Variants in PRPSAP1 observed in about 807,000 individuals in gnomAD.
The protein encoded by PRPSAP1 is phosphoribosyl pyrophosphate synthetase associated protein 1, also known as phosphoribosyl pyrophosphate synthase-associated protein 1.
In PRPSAP1, 31 loss-of-function variants were observed where a neutral mutation model predicts 39.4. That is an observed-to-expected ratio of 0.79 (90% CI 0.59 to 1.06). The LOEUF is 1.06. PRPSAP1 is among the 50% of genes least tolerant of loss of function. PRPSAP1 has a pLI of 0.00. For missense variants in PRPSAP1, 430 were observed against 511.6 expected (o/e 0.84, Z 1.54); for synonymous variants, 212 against 192.6 (o/e 1.10, Z -0.83).
At chr17:76,347,284 C>T (rs1019005240) in intron 2 of PRPSAP1, among the ~76,000 whole-genome samples, 3 of 151,590 alleles carry the variant, frequency 2.0e-5, no homozygotes, top group Admixed American at 6.6e-5. Flanking sequence ...GTCAGGAGTT[C>T]AAGACCAGCC....
chr17:76,340,850 C>G lies in PRPSAP1; in HGVS notation c.290+3821G>C, dbSNP rs938141610. On this transcript the variant is annotated intron_variant, in intron 3 of 9. Transcript: ENST00000446526. Reference sequence around the variant, plus strand: ...GGTTGTGGTGGGGTTTGCAGTGAACCGAGATCGCGCCATTGCACTCCAGCC... The same window carrying G: ...GGTTGTGGTGGGGTTTGCAGTGAACGGAGATCGCGCCATTGCACTCCAGCC... 2.7e-5 allele frequency among the ~76,000 whole-genome samples: 4 copies of G among 148,626 alleles called. No individual in the cohort carries two copies. The Admixed American group carries it at 2.7e-4, about 10-fold the overall frequency.
chr17:76,338,513 G>A (rs1031955746), intron 3 of PRPSAP1, among the ~76,000 whole-genome samples: 3 of 152,016 alleles, frequency 2.0e-5, no homozygotes, highest in Non-Finnish European at 2.9e-5. Context: ...GACCAGCCTA[G>A]GCAACATGGA....
At chr17:76,325,847 C>A (rs1026273069) in intron 7 of PRPSAP1, among the ~76,000 whole-genome samples, 1 of 152,044 alleles carries the variant, frequency 6.6e-6, no homozygotes, top group Non-Finnish European at 1.5e-5. Flanking sequence ...ACCTCGTGAT[C>A]TGCCCGCCTC....
At position 76,310,599 on chromosome 17, in the gene PRPSAP1, TG is replaced by T. The variant is rs995389126; in HGVS notation, c.*942del. On this transcript the variant is annotated 3_prime_UTR_variant, in exon 10 of 10. Coordinates refer to ENST00000446526, the MANE Select transcript of PRPSAP1 (RefSeq NM_002766.3). ...TCCCACCTCAGCCTCCCAAGGTAGCTGGAACTACAGGCACATGCTACCAATG... is the reference window on the plus strand; with the variant it reads ...TCCCACCTCAGCCTCCCAAGGTAGCTGAACTACAGGCACATGCTACCAATG... 6 of 151,866 alleles carry T rather than the reference TG, an allele frequency of 4.0e-5. No homozygotes were observed. Among genetic ancestry groups the T allele is most frequent in the African/African-American group, 9.7e-5 (4 of 41,316 alleles). 9.4% of individuals were successfully genotyped at this position (151,866 alleles called of 1,614,324 possible).
intron 2 of PRPSAP1, among the ~76,000 whole-genome samples, chr17:76,346,465 TA>T (rs1465330030): frequency 6.6e-6 from 1 of 152,184 alleles, no homozygotes; most frequent in Non-Finnish European, 1.5e-5. Context: ...AGCATGGACT[TA>T]AATCCCTTAA....
intron 3 of PRPSAP1, among the ~76,000 whole-genome samples, chr17:76,340,398 C>T (rs2071423054): frequency 6.6e-6 from 1 of 151,774 alleles, no homozygotes; most frequent in South Asian, 2.1e-4. Context: ...CCCTGGAAGA[C>T]ACTTGCACAC....
chr17:76,324,217 G>GT (rs2071228153), intron 7 of PRPSAP1, among the ~76,000 whole-genome samples: 1 of 151,698 alleles, frequency 6.6e-6, no homozygotes, highest in South Asian at 2.1e-4. Context: ...GTTCATAAGT[G>GT]TGATCATTGG....
In PRPSAP1 at chr17:76,348,584, A is replaced by G. The variant is rs768366245; in HGVS notation, c.171-3T>C. 2.0e-6 allele frequency: 3 copies of G among 1,530,412 alleles called. No homozygotes were observed. The highest frequency in any genetic ancestry group is 2.7e-5 in the South Asian group (2 of 74,332). The allele number at this position is 1,530,412 out of a possible 1,614,324, so 94.8% of individuals were successfully genotyped here. On this transcript the variant is annotated splice_polypyrimidine_tract_variant and splice_region_variant and intron_variant, in intron 1 of 9. Transcript: ENST00000446526. Reference sequence around the variant, plus strand: ...TCCCCAATTCAGCACCAAGGCGCCTATAGATCAAAAAGAACAAAAAAGGGA... The same window carrying G: ...TCCCCAATTCAGCACCAAGGCGCCTGTAGATCAAAAAGAACAAAAAAGGGA...
At chr17:76,354,111 G>C (rs1024592332), upstream of PRPSAP1, 56 of 1,015,674 alleles carry the variant, frequency 5.5e-5, no homozygotes, top group Non-Finnish European at 6.2e-5. Context: ...GGGAGGAGCA[G>C]CCTACCTCGG....
In PRPSAP1 at chr17:76,311,693, A is replaced by C; in HGVS notation, c.1007T>G (p.Val336Gly). 1 of 1,613,396 alleles carries C rather than the reference A, an allele frequency of 6.2e-7. No individual in the cohort carries two copies. The highest frequency in any genetic ancestry group is 8.5e-7 in the Non-Finnish European group (1 of 1,179,704). The change falls in exon 10 of 10, where the codon GTG becomes GGG. Residue 336 changes from valine (V) to glycine (G), a missense_variant. Coordinates refer to ENST00000446526, the MANE Select transcript of PRPSAP1 (RefSeq NM_002766.3). ...IEESSVDEVV[V>G]TNTVPHEVQK... ...AACCTCATGAGGGACAGTATTCGTC[A>C]CCACCACCTAGTCACACAGTGATGG...
At chr17:76,336,252 A>G (rs1216179820) in intron 3 of PRPSAP1, among the ~76,000 whole-genome samples, 6 of 152,178 alleles carry the variant, frequency 3.9e-5, no homozygotes, top group Non-Finnish European at 7.3e-5. Flanking sequence ...AGCCTAACCA[A>G]CATGGTGAAA....
At chr17:76,312,691 C>A in intron 9 of PRPSAP1, 179 bp downstream of exon 9, 1 of 649,196 alleles carries the variant, frequency 1.5e-6, no homozygotes, top group Non-Finnish European at 2.4e-6. Context: ...CTAAGTTGAA[C>A]CATGGTAAGT....
intron 3 of PRPSAP1, among the ~76,000 whole-genome samples, chr17:76,336,401 G>A (rs2071378889): frequency 6.9e-6 from 1 of 145,224 alleles, no homozygotes; most frequent in Non-Finnish European, 1.5e-5. Flanking sequence ...TCATACCACT[G>A]CACTCCAGCT....
chr17:76,324,527 G>A (rs367781200), intron 7 of PRPSAP1, among the ~76,000 whole-genome samples: 69 of 151,864 alleles, frequency 4.5e-4, no homozygotes, highest in African/African-American at 1.6e-3. Context: ...CTTAAATCCA[G>A]GAGGTGGAAG....
intron 3 of PRPSAP1, among the ~76,000 whole-genome samples, chr17:76,338,512 A>C (rs1238687205): frequency 6.6e-6 from 1 of 151,520 alleles, no homozygotes. Context: ...AGACCAGCCT[A>C]GGCAACATGG....
At chr17:76,332,601 C>T (rs1448163612) in intron 3 of PRPSAP1, among the ~76,000 whole-genome samples, 166 bp from the exon 4 acceptor site, 2 of 152,160 alleles carry the variant, frequency 1.3e-5, no homozygotes, top group Non-Finnish European at 2.9e-5. Context: ...AGCTTTCTGA[C>T]TTTTTGTAGC....
chr17:76,346,534 A>G (rs2071502770), intron 2 of PRPSAP1, among the ~76,000 whole-genome samples: 1 of 152,204 alleles, frequency 6.6e-6, no homozygotes, highest in South Asian at 2.1e-4. Flanking sequence ...GTGGCAGGCA[A>G]TCTGGACCTT....
chr17:76,346,073 AC>A, intron 2 of PRPSAP1: 1 of 327,960 alleles, frequency 3.0e-6, no homozygotes, highest in Non-Finnish European at 5.9e-6. Flanking sequence ...GCCTGAACAC[AC>A]CAGGCACCTG....
chr17:76,349,674 T>C (rs1486988663), intron 1 of PRPSAP1, among the ~76,000 whole-genome samples: 1 of 150,530 alleles, frequency 6.6e-6, no homozygotes, highest in African/African-American at 2.4e-5. Context: ...GACAGGAGAA[T>C]TGCCAGAATC....
Sources: gnomAD v4.1 joint callset for allele counts (sites outside exome capture counted in the v4.1 genomes callset) on GRCh38, gnomAD v4.1.1 for gene constraint, MANE v1.5 for transcripts, NCBI Gene and HGNC (gene_info 2026-07-23, HGNC 2026-07-21) for gene names.